Variants in CNTN4 observed in about 807,000 individuals in gnomAD.
The protein encoded by CNTN4 is contactin 4, also known as contactin-4.
Under a neutral mutation model 122.5 loss-of-function variants are expected in CNTN4, and 77 were observed. The ratio of observed to expected loss-of-function variants is 0.63; its 90% CI spans 0.52 to 0.76. The LOEUF (loss-of-function observed/expected upper bound fraction) is 0.76. Ranked by LOEUF, CNTN4 falls within the 30% of genes least tolerant of loss-of-function variation. The pLI is 0.00. For missense variants in CNTN4, 1,256 were observed against 1,259.1 expected, an observed-to-expected ratio of 1.00 and a Z score of 0.04; for synonymous variants, 512 against 447.0, an observed-to-expected ratio of 1.15 and a Z score of -1.83.
intron 2 of CNTN4, among the ~76,000 whole-genome samples, chr3:2,208,132 C>T (rs2038446916): frequency 6.6e-6 from 1 of 152,044 alleles, no homozygotes; most frequent in Non-Finnish European, 1.5e-5. Context: ...CTATCAGTAC[C>T]ATAGATAGTG....
intron 2 of CNTN4, among the ~76,000 whole-genome samples, chr3:2,207,571 AAC>A (rs1399299504): frequency 6.6e-6 from 1 of 152,110 alleles, no homozygotes; most frequent in Non-Finnish European, 1.5e-5. Context: ...CAGAGCCAGG[AAC>A]GAAGTGTCTA....
In CNTN4 at chr3:2,283,470, TA is replaced by T. The variant is rs1331728117; in HGVS notation, c.-144-55705del. On this transcript the variant is annotated intron_variant, in intron 2 of 24. Transcript: ENST00000418658. ...ATGGAAAGATTAAGCAACATTTTCA[TA>T]AATATGTCACTGAAACAGGCTCACA... 4.6e-5 allele frequency among the ~76,000 whole-genome samples: 7 copies of T among 152,276 alleles called. No individual in the cohort carries two copies. In the East Asian group the frequency reaches 1.3e-3, roughly 29 times the overall value.
intron 2 of CNTN4, among the ~76,000 whole-genome samples, chr3:2,253,537 A>C (rs2040456992): frequency 6.6e-6 from 1 of 152,162 alleles, no homozygotes; most frequent in Non-Finnish European, 1.5e-5. Context: ...AATTTTTCTT[A>C]ATTAAATTAT....
chr3:2,820,581 A>G (rs1270391792), intron 7 of CNTN4, among the ~76,000 whole-genome samples: 1 of 152,112 alleles, frequency 6.6e-6, no homozygotes, highest in African/African-American at 2.4e-5. Flanking sequence ...GGGAGGCTGA[A>G]AGTTCCAACC....
intron 2 of CNTN4, among the ~76,000 whole-genome samples, chr3:2,200,064 A>C (rs566651725): frequency 6.6e-6 from 1 of 152,278 alleles, no homozygotes; most frequent in African/African-American, 2.4e-5. Flanking sequence ...GTTATGATTT[A>C]GTTTATTTTA....
chr3:2,279,352 A>T (rs930046193), intron 2 of CNTN4, among the ~76,000 whole-genome samples: 1 of 152,202 alleles, frequency 6.6e-6, no homozygotes, highest in Non-Finnish European at 1.5e-5. Context: ...GCCCTGGGAT[A>T]TAATGCAAGA....
At chr3:2,313,055 T>C (rs1457601318) in intron 2 of CNTN4, among the ~76,000 whole-genome samples, 1 of 151,934 alleles carries the variant, frequency 6.6e-6, no homozygotes, top group African/African-American at 2.4e-5. Context: ...AATGTTCAAC[T>C]TGAAAAGTTA....
At chr3:2,981,382 T>C (rs1267039948) in intron 13 of CNTN4, among the ~76,000 whole-genome samples, 2 of 151,824 alleles carry the variant, frequency 1.3e-5, no homozygotes, top group South Asian at 2.1e-4. Flanking sequence ...AGTTGGAGCT[T>C]GCAGTGAGCC....
At chr3:2,473,248 A>G (rs1575709939) in intron 3 of CNTN4, among the ~76,000 whole-genome samples, 2 of 17,636 alleles carry the variant, frequency 1.1e-4, no homozygotes, top group Non-Finnish European at 2.1e-4. Flanking sequence ...AAAAAAAAAA[A>G]AAAACACCTG....
chr3:2,925,507 T>G, intron 12 of CNTN4, 122 bp from the exon 13 acceptor site: 1 of 1,048,994 alleles, frequency 9.5e-7, no homozygotes, highest in Non-Finnish European at 1.4e-6. Context: ...GAGCCAAGAT[T>G]GCACCACTGC....
chr3:2,123,880 A>G (rs775571422), intron 2 of CNTN4, among the ~76,000 whole-genome samples: 36 of 152,214 alleles, frequency 2.4e-4, no homozygotes, highest in Admixed American at 1.8e-3. Context: ...TGTGTGGCAA[A>G]TTAAAAGCAG....
chr3:2,968,627 C>CACT (rs763297317), intron 13 of CNTN4, among the ~76,000 whole-genome samples: 1 of 152,134 alleles, frequency 6.6e-6, no homozygotes, highest in Non-Finnish European at 1.5e-5. Context: ...AAGAGTCCAC[C>CACT]ACTACTACCA....
intron 2 of CNTN4, among the ~76,000 whole-genome samples, chr3:2,288,944 G>C (rs970966218): frequency 1.3e-5 from 2 of 152,086 alleles, no homozygotes; most frequent in South Asian, 2.1e-4. Context: ...CATTTTATAT[G>C]AGTATTAAAG....
chr3:2,326,270 G>C (rs945153958), intron 2 of CNTN4, among the ~76,000 whole-genome samples: 2 of 152,086 alleles, frequency 1.3e-5, no homozygotes, highest in African/African-American at 4.8e-5. Context: ...CCTGCATTCA[G>C]ATTGAAACTG....
chr3:2,191,756 G>C (rs1208100386), intron 2 of CNTN4, among the ~76,000 whole-genome samples: 1 of 151,372 alleles, frequency 6.6e-6, no homozygotes, highest in African/African-American at 2.4e-5. Context: ...TATACTTTAA[G>C]TTCTAGGGTA....
intron 14 of CNTN4, among the ~76,000 whole-genome samples, chr3:3,003,952 G>T (rs1413688943): frequency 5.3e-5 from 8 of 151,918 alleles, no homozygotes; most frequent in Non-Finnish European, 1.2e-4. Context: ...TAGAGACAGG[G>T]TTTCGCCATA....
chr3:2,315,749 T>C (rs973094924), intron 2 of CNTN4, among the ~76,000 whole-genome samples: 5 of 152,086 alleles, frequency 3.3e-5, no homozygotes, highest in African/African-American at 1.2e-4. Flanking sequence ...TGAACATTAG[T>C]AAGACATTTA....
At chr3:2,860,785 A>G (rs1424386879) in intron 7 of CNTN4, among the ~76,000 whole-genome samples, 5 of 152,150 alleles carry the variant, frequency 3.3e-5, no homozygotes, top group African/African-American at 1.2e-4. Flanking sequence ...TCCAAAGTCT[A>G]TTGGTCATTC....
intron 4 of CNTN4, among the ~76,000 whole-genome samples, chr3:2,706,215 T>C (rs1398229070): frequency 1.3e-5 from 2 of 151,812 alleles, no homozygotes; most frequent in African/African-American, 4.8e-5. Context: ...GCATAATGCC[T>C]GGACATCACA....
Sources: gnomAD v4.1 joint callset for allele counts (sites outside exome capture counted in the v4.1 genomes callset) on GRCh38, gnomAD v4.1.1 for gene constraint, MANE v1.5 for transcripts, NCBI Gene and HGNC (gene_info 2026-07-23, HGNC 2026-07-21) for gene names.